The following ST7 variants were observed in gnomAD, a reference collection of about 807,000 sequenced individuals.
ST7 encodes the protein suppression of tumorigenicity 7.
In ST7, 28 loss-of-function variants were observed where a neutral mutation model predicts 78.7. The observed-to-expected ratio is 0.36, with a 90% CI of 0.26 to 0.49. The LOEUF (loss-of-function observed/expected upper bound fraction) is 0.49. Ranked by LOEUF, ST7 falls within the 20% of genes least tolerant of loss-of-function variation. The pLI is 0.99. For synonymous variants in ST7, 247 were observed against 249.6 expected, an observed-to-expected ratio of 0.99 and a Z score of 0.10; for missense variants, 418 against 696.0, an observed-to-expected ratio of 0.60 and a Z score of 4.49.
chr7:117,174,913 G>A (rs941356731), intron 10 of ST7, among the ~76,000 whole-genome samples: 12 of 152,166 alleles, frequency 7.9e-5, no homozygotes, highest in African/African-American at 2.9e-4. Context: ...CATGTGTTTT[G>A]CATAAATGTA....
At chr7:117,060,732 G>C (rs375624441) in intron 1 of ST7, among the ~76,000 whole-genome samples, 1 of 152,228 alleles carries the variant, frequency 6.6e-6, no homozygotes, top group South Asian at 2.1e-4. Context: ...CTGGCCAGGC[G>C]TAGTGGCTTA....
At chr7:117,194,474 C>T (rs568803767) in intron 12 of ST7, among the ~76,000 whole-genome samples, 9 of 152,266 alleles carry the variant, frequency 5.9e-5, no homozygotes, top group East Asian at 1.9e-4. Context: ...CTGTCTCCTC[C>T]GTGGTGTCTC....
chr7:116,960,644 C>T (rs1792779459), intron 1 of ST7, among the ~76,000 whole-genome samples: 1 of 152,128 alleles, frequency 6.6e-6, no homozygotes, highest in African/African-American at 2.4e-5. Flanking sequence ...TGGTAGAACC[C>T]TGAACTCCAT....
chr7:116,981,768 A>T (rs1051372921), intron 1 of ST7, among the ~76,000 whole-genome samples: 13 of 152,258 alleles, frequency 8.5e-5, no homozygotes, highest in Admixed American at 8.5e-4. Flanking sequence ...ACTCTAAAAT[A>T]ATGATAAAAG....
chr7:117,119,954 A>C (rs1400921848), intron 3 of ST7, among the ~76,000 whole-genome samples: 1 of 150,130 alleles, frequency 6.7e-6, no homozygotes, highest in Non-Finnish European at 1.5e-5. Flanking sequence ...TTTATGTGAG[A>C]GTCTTGCTCT....
At chr7:116,998,988 C>T (rs1056551894) in intron 1 of ST7, among the ~76,000 whole-genome samples, 8 of 152,166 alleles carry the variant, frequency 5.3e-5, no homozygotes, top group African/African-American at 1.9e-4. Context: ...TGTGTCCCTA[C>T]TATGTGCTAG....
chr7:117,019,604 G>A (rs1795779486), intron 1 of ST7, among the ~76,000 whole-genome samples: 1 of 152,240 alleles, frequency 6.6e-6, no homozygotes, highest in Non-Finnish European at 1.5e-5. Flanking sequence ...TCCTAGAGCA[G>A]CGTTTTTCAC....
At chr7:117,158,752 A>G (rs1205609492) in intron 9 of ST7, among the ~76,000 whole-genome samples, 1 of 152,200 alleles carries the variant, frequency 6.6e-6, no homozygotes, top group Non-Finnish European at 1.5e-5. Context: ...TAAACAATTC[A>G]TTCTTCTGTT....
At chr7:117,225,625 G>A (rs995651263) in intron 15 of ST7, among the ~76,000 whole-genome samples, 9 of 152,098 alleles carry the variant, frequency 5.9e-5, no homozygotes, top group East Asian at 1.9e-4. Flanking sequence ...GCAGGTTATC[G>A]CAACTGCCCT....
intron 1 of ST7, among the ~76,000 whole-genome samples, chr7:116,998,283 C>A (rs1025647924): frequency 1.3e-5 from 2 of 152,132 alleles, no homozygotes; most frequent in Non-Finnish European, 1.5e-5. Context: ...GCCGGCTGGC[C>A]ACTCTGAGTG....
At chr7:117,137,667 A>G (rs1490328336) in intron 8 of ST7, among the ~76,000 whole-genome samples, 1 of 152,184 alleles carries the variant, frequency 6.6e-6, no homozygotes, top group Non-Finnish European at 1.5e-5. Context: ...CATATTATAC[A>G]TGTACTTAAT....
chr7:117,094,273 G>C (rs1184107956), intron 1 of ST7, among the ~76,000 whole-genome samples: 2 of 152,160 alleles, frequency 1.3e-5, no homozygotes, highest in Non-Finnish European at 2.9e-5. Context: ...AGGCCCCAGG[G>C]CTGCGGTACT....
At chr7:117,211,214 T>C (rs941397496) in intron 13 of ST7, among the ~76,000 whole-genome samples, 4 of 152,252 alleles carry the variant, frequency 2.6e-5, no homozygotes, top group Admixed American at 6.5e-5. Context: ...TATAGATTAC[T>C]ATTTATAACT....
At chr7:117,209,283 C>T (rs1325155060) in intron 12 of ST7, among the ~76,000 whole-genome samples, 1 of 152,174 alleles carries the variant, frequency 6.6e-6, no homozygotes, top group Non-Finnish European at 1.5e-5. Flanking sequence ...GCCACCCTTC[C>T]TCCCTGTAGC....
intron 1 of ST7, among the ~76,000 whole-genome samples, chr7:117,080,304 A>G (rs1400392216): frequency 6.6e-6 from 1 of 152,186 alleles, no homozygotes. Flanking sequence ...CTAACGTATC[A>G]TCTATACACT....
intron 1 of ST7, among the ~76,000 whole-genome samples, chr7:117,051,361 A>G (rs1797783530): frequency 6.6e-6 from 1 of 152,192 alleles, no homozygotes; most frequent in African/African-American, 2.4e-5. Context: ...GAGATTCAAG[A>G]TGTAGGCTTC....
intron 3 of ST7, among the ~76,000 whole-genome samples, chr7:117,123,719 T>G (rs974227892): frequency 6.6e-6 from 1 of 152,184 alleles, no homozygotes; most frequent in Non-Finnish European, 1.5e-5. Flanking sequence ...CCAGTAACAT[T>G]CTGAATTTGA....
Position 116,953,615 on chromosome 7 carries a change from CGT to C in ST7, c.79_80del (p.Trp27ValfsTer54). ...IVWSWTYLWT[V>X]WFFIVLFLVY... The stretch of plus-strand genomic sequence containing the variant: ...TTTGGTCTTGGACGTATCTGTGGAC[CGT>C]GTGGTTCTTCATCGTGCTATTCCTG... On this transcript the variant is annotated frameshift_variant, in exon 1 of 16. Coordinates refer to ENST00000323984, the MANE Select transcript of ST7 (RefSeq NM_001369598.1). LOFTEE classifies it high-confidence loss of function. 1 of 1,512,364 alleles carries C rather than the reference CGT, an allele frequency of 6.6e-7. No individual in the cohort carries two copies. Among genetic ancestry groups the C allele is most frequent in the Non-Finnish European group, 8.9e-7 (1 of 1,118,684 alleles). 93.7% of individuals were successfully genotyped at this position (1,512,364 alleles called of 1,614,324 possible). A position where few individuals can be genotyped will look rare whatever the true frequency, so the allele number is the denominator to read the frequency against.
At chr7:117,001,526 A>G (rs1794932023) in intron 1 of ST7, among the ~76,000 whole-genome samples, 1 of 152,172 alleles carries the variant, frequency 6.6e-6, no homozygotes, top group Admixed American at 6.5e-5. Context: ...AGGTGATAAA[A>G]TTGCAGGATC....
Sources: allele counts gnomAD v4.1 joint callset (sites outside exome capture counted in the v4.1 genomes callset), GRCh38; gene constraint gnomAD v4.1.1; transcripts MANE v1.5; gene names NCBI Gene and HGNC (gene_info 2026-07-23, HGNC 2026-07-21).